Variants in RIC1 observed in about 807,000 individuals in gnomAD.
RIC1 encodes the protein RIC1 partner of RAB6A GEF complex.
In RIC1, 88 loss-of-function variants were observed where a neutral mutation model predicts 169.0. The ratio of observed to expected loss-of-function variants is 0.52; its 90% confidence interval spans 0.44 to 0.62. The LOEUF (loss-of-function observed/expected upper bound fraction) is 0.62. Ranked by LOEUF, RIC1 falls within the 20% of genes least tolerant of loss-of-function variation. The pLI is 0.00. For synonymous variants in RIC1, 790 were observed against 601.5 expected (o/e 1.31, Z -4.59); for missense variants, 1,877 against 1,725.5 (o/e 1.09, Z -1.56).
At chr9:5,629,506 C>T in intron 1 of RIC1, 53 bp downstream of exon 1, 1 of 1,490,086 alleles carries the variant, frequency 6.7e-7, no homozygotes, top group Non-Finnish European at 8.9e-7. Context: ...CCTCCCGGCG[C>T]CGTCCCACCC....
chr9:5,732,545 T>A (rs1409032981), intron 7 of RIC1, 66 bp downstream of exon 7: 1 of 954,662 alleles, frequency 1.0e-6, no homozygotes. Flanking sequence ...TTTTTTTTTG[T>A]AAACATAAGA....
intron 1 of RIC1, among the ~76,000 whole-genome samples, chr9:5,637,326 C>T (rs949172780): frequency 6.6e-6 from 1 of 152,074 alleles, no homozygotes; most frequent in Non-Finnish European, 1.5e-5. Flanking sequence ...ACCTCGGGCT[C>T]CCAAAGTGCT....
intron 4 of RIC1, among the ~76,000 whole-genome samples, chr9:5,716,892 G>A (rs1277459740): frequency 2.0e-5 from 3 of 152,006 alleles, no homozygotes; most frequent in Admixed American, 6.5e-5. Flanking sequence ...AGTTGGTCTC[G>A]AGCTCCTGGG....
At chr9:5,727,054 G>T (rs1824039842) in intron 6 of RIC1, among the ~76,000 whole-genome samples, 1 of 152,158 alleles carries the variant, frequency 6.6e-6, no homozygotes, top group Non-Finnish European at 1.5e-5. Flanking sequence ...TTCTCGAGGA[G>T]TATCTTTGTG....
intron 2 of RIC1, among the ~76,000 whole-genome samples, chr9:5,674,450 C>T (rs975837436): frequency 5.9e-5 from 9 of 152,104 alleles, no homozygotes; most frequent in African/African-American, 2.2e-4. Flanking sequence ...TTTATCTTAA[C>T]ATCTCCACAA....
At chr9:5,647,585 G>T (rs1314532353) in intron 1 of RIC1, among the ~76,000 whole-genome samples, 1 of 152,080 alleles carries the variant, frequency 6.6e-6, no homozygotes, top group Non-Finnish European at 1.5e-5. Flanking sequence ...TGATTTTTCT[G>T]TGTTGATTTT....
chr9:5,745,206 C>T (rs1825306924), intron 10 of RIC1, among the ~76,000 whole-genome samples: 1 of 152,116 alleles, frequency 6.6e-6, no homozygotes, highest in Non-Finnish European at 1.5e-5. Flanking sequence ...GCAGCTTTAT[C>T]ATAGGAAAAC....
At chr9:5,639,210 T>C (rs1818119281) in intron 1 of RIC1, among the ~76,000 whole-genome samples, 1 of 152,212 alleles carries the variant, frequency 6.6e-6, no homozygotes, top group South Asian at 2.1e-4. Context: ...CGGCCATTTT[T>C]CTTCTTTTAT....
intron 4 of RIC1, among the ~76,000 whole-genome samples, chr9:5,715,259 A>G (rs767741563): frequency 7.2e-5 from 11 of 152,230 alleles, no homozygotes; most frequent in African/African-American, 1.2e-4. Flanking sequence ...GTACCAAGAA[A>G]AGGTGGAATT....
intron 22 of RIC1, 28 bp from the exon 23 acceptor site, chr9:5,770,059 A>G (rs1423698028): frequency 1.3e-6 from 2 of 1,569,812 alleles, no homozygotes; most frequent in South Asian, 2.3e-5. Context: ...TTCTTCCTCC[A>G]TTTTTTGTTT....
intron 6 of RIC1, among the ~76,000 whole-genome samples, chr9:5,730,681 G>T (rs1311342793): frequency 6.6e-6 from 1 of 152,088 alleles, no homozygotes; most frequent in African/African-American, 2.4e-5. Context: ...ATGATTCTTG[G>T]CCTGAGTAGC....
intron 1 of RIC1, among the ~76,000 whole-genome samples, chr9:5,631,565 T>G (rs751964405): frequency 4.0e-5 from 6 of 151,546 alleles, no homozygotes; most frequent in Non-Finnish European, 8.8e-5. Context: ...TGCACGCCTA[T>G]AGCCCCAGCT....
At chr9:5,734,916 G>A (rs549990759) in intron 7 of RIC1, among the ~76,000 whole-genome samples, 1 of 152,134 alleles carries the variant, frequency 6.6e-6, no homozygotes, top group South Asian at 2.1e-4. Context: ...TTGTATAATT[G>A]GAATATCTTT....
intron 3 of RIC1, among the ~76,000 whole-genome samples, chr9:5,712,261 C>T (rs1387727896): frequency 2.6e-5 from 4 of 152,114 alleles, no homozygotes; most frequent in Admixed American, 2.0e-4. Flanking sequence ...TTTTAATGAT[C>T]ACCATTCTAA....
chr9:5,754,423 G>C (rs868555449), intron 14 of RIC1, among the ~76,000 whole-genome samples: 3 of 152,114 alleles, frequency 2.0e-5, no homozygotes, highest in African/African-American at 4.8e-5. Flanking sequence ...GGGGGAGTAA[G>C]AGCAGAAATA....
At chr9:5,718,522 C>T (rs921424369) in intron 4 of RIC1, among the ~76,000 whole-genome samples, 1 of 152,154 alleles carries the variant, frequency 6.6e-6, no homozygotes, top group Non-Finnish European at 1.5e-5. Flanking sequence ...AAGATGACAG[C>T]TGCCTAGATT....
chr9:5,658,308 G>T (rs935561979), intron 2 of RIC1, among the ~76,000 whole-genome samples: 5 of 152,062 alleles, frequency 3.3e-5, no homozygotes, highest in African/African-American at 1.2e-4. Context: ...ACTAGACTAA[G>T]CACTTATCAG....
At chr9:5,745,869 A>G (rs1825344867) in intron 10 of RIC1, 62 bp from the exon 11 acceptor site, 1 of 1,387,320 alleles carries the variant, frequency 7.2e-7, no homozygotes, top group Non-Finnish European at 1.0e-6. Flanking sequence ...AATTGAAGCT[A>G]GAAAGGGATA....
At chr9:5,636,769 A>G (rs913679685) in intron 1 of RIC1, among the ~76,000 whole-genome samples, 2 of 152,168 alleles carry the variant, frequency 1.3e-5, no homozygotes, top group Non-Finnish European at 2.9e-5. Context: ...TAAATATAAG[A>G]TTATGTCATC....
Sources: allele counts gnomAD v4.1 joint callset (sites outside exome capture counted in the v4.1 genomes callset), GRCh38; gene constraint gnomAD v4.1.1; transcripts MANE v1.5; gene names NCBI Gene and HGNC (gene_info 2026-07-23, HGNC 2026-07-21).